The following DLG5 variants were observed in gnomAD, a reference collection of about 807,000 sequenced individuals.
The protein encoded by DLG5 is disks large homolog 5.
In DLG5, 48 loss-of-function variants were observed where a neutral mutation model predicts 189.8. That is an observed-to-expected ratio of 0.25 (90% confidence interval 0.20 to 0.32). DLG5 has a LOEUF of 0.32. DLG5 is among the 10% of genes least tolerant of loss of function. The pLI, the probability that DLG5 is intolerant of heterozygous loss-of-function variation, is 1.00. For synonymous variants in DLG5, 1,016 were observed against 1,054.1 expected (o/e 0.96, Z 0.70); for missense variants, 2,160 against 2,544.7 (o/e 0.85, Z 3.25).
chr10:77,825,374 C>CACACA (rs1554816035), intron 13 of DLG5, among the ~76,000 whole-genome samples: 1 of 130,816 alleles, frequency 7.6e-6, no homozygotes, highest in Admixed American at 8.1e-5. Flanking sequence ...CCACACACAA[C>CACACA]CACACACACA....
intron 24 of DLG5, among the ~76,000 whole-genome samples, 160 bp downstream of exon 24, chr10:77,809,387 C>G (rs1841642772): frequency 1.3e-5 from 2 of 152,226 alleles, no homozygotes. Context: ...GCCTGGGCGA[C>G]AGAGCAAGAC....
chr10:77,852,249 T>C (rs1399016250), intron 5 of DLG5, among the ~76,000 whole-genome samples: 1 of 151,988 alleles, frequency 6.6e-6, no homozygotes, highest in Non-Finnish European at 1.5e-5. Flanking sequence ...CATGTGCCTG[T>C]AGTCCCAGCT....
rs1568146033 is a variant in DLG5 at position 77,819,957 on chromosome 10, T to C, written c.3464A>G (p.Tyr1155Cys). 6.2e-7 allele frequency: 1 copy of C among 1,611,700 alleles called. No individual in the cohort carries two copies. Among genetic ancestry groups the C allele is most frequent in the Non-Finnish European group, 8.5e-7 (1 of 1,179,206 alleles). ...LSPELQEWAP[Y>C]SPGHSSRHSN... ...GTGCCGGCTGGAATGCCCAGGCGAGTAAGGTGCCCACTCCTGGAGCTCCGG... is the reference window on the plus strand; with the variant it reads ...GTGCCGGCTGGAATGCCCAGGCGAGCAAGGTGCCCACTCCTGGAGCTCCGG... The change falls in exon 16 of 32, where the codon TAC becomes TGC. Residue 1155 changes from tyrosine (Y) to cysteine (C), a missense_variant. Tyr to Cys is a radical substitution (Grantham distance 194). Coordinates refer to ENST00000372391, the MANE Select transcript of DLG5 (RefSeq NM_004747.4).
intron 5 of DLG5, among the ~76,000 whole-genome samples, chr10:77,850,882 C>T (rs1030945160): frequency 2.6e-5 from 4 of 152,192 alleles, no homozygotes; most frequent in African/African-American, 7.2e-5. Context: ...TCCCTTGGAC[C>T]GAGGTGGAGC....
At chr10:77,902,870 TAAAA>T (rs35898859) in intron 1 of DLG5, among the ~76,000 whole-genome samples, 16,580 of 102,016 alleles carry the variant, frequency 0.16, 1,096 homozygotes, top group African/African-American at 0.3. Flanking sequence ...AAAAAATAAA[TAAAA>T]AAATAAATAA....
chr10:77,875,726 G>A (rs1845065098), intron 1 of DLG5, among the ~76,000 whole-genome samples: 1 of 152,056 alleles, frequency 6.6e-6, no homozygotes, highest in Non-Finnish European at 1.5e-5. Context: ...ATGCTGGGGG[G>A]ACAGAGGGCT....
At chr10:77,858,190 C>T (rs776808705) in intron 2 of DLG5, among the ~76,000 whole-genome samples, 3 of 152,114 alleles carry the variant, frequency 2.0e-5, no homozygotes, top group Non-Finnish European at 4.4e-5. Context: ...CCAGCACCCC[C>T]TGAAATGCAC....
intron 19 of DLG5, 73 bp from the exon 20 acceptor site, chr10:77,816,774 G>A (rs896802681): frequency 3.2e-6 from 5 of 1,547,902 alleles, no homozygotes; most frequent in Middle Eastern, 1.7e-4. Context: ...CAAGAGGCAG[G>A]TGCGATCCAG....
At chr10:77,920,461 C>A (rs111386013) in intron 1 of DLG5, among the ~76,000 whole-genome samples, 1 of 152,188 alleles carries the variant, frequency 6.6e-6, no homozygotes, top group African/African-American at 2.4e-5. Flanking sequence ...CTTTTACCTG[C>A]GTGACATCGC....
chr10:77,852,056 T>C (rs1366254005), intron 5 of DLG5, among the ~76,000 whole-genome samples: 2 of 152,080 alleles, frequency 1.3e-5, no homozygotes, highest in African/African-American at 2.4e-5. Flanking sequence ...ACATGGGGGA[T>C]TGACCAAGTA....
chr10:77,922,229 T>C (rs752113), intron 1 of DLG5, among the ~76,000 whole-genome samples: 13,654 of 152,074 alleles, frequency 0.09, 739 homozygotes, highest in South Asian at 0.14. Flanking sequence ...GCAGCACCAT[T>C]AGCCCCATCT....
chr10:77,933,581 A>AC, the DLG5 span, among the ~76,000 whole-genome samples: 2 of 152,120 alleles, frequency 1.3e-5, no homozygotes, highest in African/African-American at 4.8e-5. Context: ...GGGGTGAGCC[A>AC]CGGTGCCCGG....
Position 77,806,863 on chromosome 10 carries a change from T to C in DLG5, c.4862A>G (p.Tyr1621Cys). 2 of 1,614,104 alleles carry C rather than the reference T, an allele frequency of 1.2e-6. No individual in the cohort carries two copies. The highest frequency in any genetic ancestry group is 1.7e-6 in the Non-Finnish European group (2 of 1,179,988). Residue 1621 changes from tyrosine to cysteine, a missense_variant, in exon 26 of 32, where the codon TAC (tyrosine) becomes TGC (cysteine). By Grantham distance (194) the Tyr-to-Cys change is radical. Coordinates refer to ENST00000372391, the MANE Select transcript of DLG5 (RefSeq NM_004747.4). Reference protein sequence around the residue: ...ELSFKKDDILYVDDTLPQGTF... With the variant: ...ELSFKKDDILCVDDTLPQGTF... ...GCCCTGGGGTAAGGTGTCATCCACG[T>C]AGAGGATGTCGTCCTTCTTAAAGCT... is the stretch of plus-strand genomic sequence containing the variant.
chr10:77,923,673 G>C (rs2131877912), intron 1 of DLG5, among the ~76,000 whole-genome samples: 1 of 152,256 alleles, frequency 6.6e-6, no homozygotes, highest in South Asian at 2.1e-4. Context: ...CAGGAGGATG[G>C]CTTGAGACCA....
At chr10:77,922,946 C>G (rs143264527) in intron 1 of DLG5, among the ~76,000 whole-genome samples, 8 of 152,228 alleles carry the variant, frequency 5.3e-5, no homozygotes, top group African/African-American at 1.7e-4. Context: ...CCCACCAACA[C>G]CCAGGCACAT....
the DLG5 span, among the ~76,000 whole-genome samples, chr10:77,939,406 T>G: frequency 1.3e-5 from 2 of 151,816 alleles, no homozygotes; most frequent in Non-Finnish European, 2.9e-5. Flanking sequence ...AAGAGACGGG[T>G]GTAGCTTGGG....
intron 20 of DLG5, among the ~76,000 whole-genome samples, chr10:77,813,921 A>G (rs1841907594): frequency 6.6e-6 from 1 of 152,232 alleles, no homozygotes; most frequent in African/African-American, 2.4e-5. Context: ...CTTATGTAGG[A>G]CATTACCAAG....
At chr10:77,929,796 A>G (rs1411069475), upstream of DLG5, 6 of 152,224 alleles carry the variant, frequency 3.9e-5, no homozygotes, top group Non-Finnish European at 5.9e-5. Flanking sequence ...GACCTTGAGA[A>G]GTGTGAGCCA....
At chr10:77,871,074 ACT>A (rs1426828671) in intron 1 of DLG5, among the ~76,000 whole-genome samples, 6 of 152,250 alleles carry the variant, frequency 3.9e-5, no homozygotes, top group African/African-American at 7.2e-5. Flanking sequence ...ATTTTCAGAG[ACT>A]CTGAAGAATC....
Sources: allele counts gnomAD v4.1 joint callset (sites outside exome capture counted in the v4.1 genomes callset), GRCh38; gene constraint gnomAD v4.1.1; transcripts MANE v1.5; gene names NCBI Gene and HGNC (gene_info 2026-07-23, HGNC 2026-07-21).